The following C2orf81 variants were observed in gnomAD, a reference collection of about 807,000 sequenced individuals.
C2orf81 encodes chromosome 2 open reading frame 81.
A neutral mutation model predicts 7.9 loss-of-function variants in C2orf81; 5 were observed. The observed-to-expected ratio is 0.63, with a 90% CI of 0.33 to 1.33. The LOEUF is 1.33. Among genes scored for constraint, C2orf81 ranks in the 40% most tolerant of loss-of-function variants. The pLI is 0.05. For missense variants in C2orf81, 781 were observed against 830.4 expected (o/e 0.94, Z 0.73); for synonymous variants, 346 against 367.4 (o/e 0.94, Z 0.66).
At position 74,414,297 on chromosome 2, in the gene C2orf81, G is replaced by C. The variant is rs1173912814; in HGVS notation, c.*32C>G. On this transcript the variant is annotated 3_prime_UTR_variant, in exon 3 of 3. Transcript: ENST00000684111. The surrounding 1 kb of genome is among the most constrained non-coding windows in gnomAD (Gnocchi z 5.3). The stretch of plus-strand genomic sequence containing the variant: ...GCTTAGAGGAGCGTGACCACACTTT[G>C]GGGGCTGAGTTCTTCATTAGCTGTG... 4.2e-6 allele frequency: 6 copies of C among 1,439,414 alleles called. No individual in the cohort carries two copies. Among genetic ancestry groups the C allele is most frequent in the Non-Finnish European group, 4.6e-6 (5 of 1,088,676 alleles). The allele number at this position is 1,439,414 out of a possible 1,614,324, so 89.2% of individuals were successfully genotyped here. A position where few individuals can be genotyped will look rare whatever the true frequency, so the allele number is the denominator to read the frequency against.
chr2:74,421,411 C>T (rs1014546581), intron 1 of C2orf81, 132 bp downstream of exon 1: 2 of 239,768 alleles, frequency 8.3e-6, no homozygotes, highest in Non-Finnish European at 1.6e-5. Context: ...CTTCCTTGGT[C>T]ATCTAAACTC....
At chr2:74,420,099 A>C (rs1183271932) in intron 1 of C2orf81, among the ~76,000 whole-genome samples, 1 of 152,252 alleles carries the variant, frequency 6.6e-6, no homozygotes, top group Non-Finnish European at 1.5e-5. Flanking sequence ...GCAAATGTTT[A>C]TGATGTAACG....
At chr2:74,420,761 TTC>T (rs1425286391) in intron 1 of C2orf81, among the ~76,000 whole-genome samples, 1 of 145,058 alleles carries the variant, frequency 6.9e-6, no homozygotes, top group Admixed American at 7.0e-5. Context: ...TCCGTTTTCT[TTC>T]TTCTTCTTCT....
chr2:74,419,966 G>T (rs1172512782), intron 1 of C2orf81, among the ~76,000 whole-genome samples: 1 of 152,134 alleles, frequency 6.6e-6, no homozygotes, highest in East Asian at 1.9e-4. Context: ...GTAGAGATGG[G>T]GTTTCGCCAT....
chr2:74,418,418 T>C (rs1676524002), intron 1 of C2orf81: 2 of 1,579,140 alleles, frequency 1.3e-6, no homozygotes, highest in South Asian at 2.2e-5. Context: ...AAGGGCTGGC[T>C]GGACTTCGAG....
intron 1 of C2orf81, among the ~76,000 whole-genome samples, chr2:74,419,843 C>T (rs537786807): frequency 6.6e-6 from 1 of 152,326 alleles, no homozygotes; most frequent in East Asian, 1.9e-4. Context: ...AAGATCTCGG[C>T]TCACTGCAAC....
chr2:74,415,192 A>AGGGGTAG lies in C2orf81; in HGVS notation c.984_985insCTACCCC (p.Ser329LeufsTer65), dbSNP rs1676415263. The AGGGGTAG allele has an allele frequency of 1.2e-5, 18 of 1,548,686 alleles. No homozygotes were observed. The highest frequency in any genetic ancestry group is 1.5e-5 in the Non-Finnish European group (17 of 1,145,912). ...GAGGGGTAGGACACCAACACGCCCG[A>AGGGGTAG]GGCGATGCAGGGCACCCCCTCTGAC... is the stretch of plus-strand genomic sequence containing the variant. On this transcript the variant is annotated frameshift_variant, in exon 3 of 3. Transcript: ENST00000684111. LOFTEE classifies it low-confidence loss of function (END_TRUNC). The surrounding 1 kb of genome is among the most constrained non-coding windows in gnomAD (Gnocchi z 5.5).
rs1423722479 is a variant in C2orf81 at position 74,414,615 on chromosome 2, C to T, written c.1562G>A (p.Arg521Gln). The T allele has an allele frequency of 6.5e-7, 1 of 1,549,890 alleles. No individual in the cohort carries two copies. The highest frequency in any genetic ancestry group is 8.7e-7 in the Non-Finnish European group (1 of 1,145,892). Residue 521 changes from arginine (R) to glutamine (Q), a missense_variant, in exon 3 of 3, where the codon CGG (arginine) becomes CAG (glutamine). Arg to Gln is a conservative substitution (Grantham distance 43, BLOSUM62 1). Coordinates refer to ENST00000684111, the MANE Select transcript of C2orf81 (RefSeq NM_001316764.3). The surrounding 1 kb of genome is among the most constrained non-coding windows in gnomAD (Gnocchi z 5.3). ...CAGACCCTGTGGAGGCACGCGGGTC[C>T]GGCCAGCCCACAGCTCGCCCAGCAG... ...AELLGELWAG[R>Q]TRVPPQGLEL...
chr2:74,414,634 C>G lies in C2orf81; in HGVS notation c.1543G>C (p.Gly515Arg). ...CGGGTCCGGCCAGCCCACAGCTCGC[C>G]CAGCAGCTCGGCCTTCCCCTCCCAA... ...SGWEGKAELL[G>R]ELWAGRTRVP... Residue 515 changes from glycine (G) to arginine (R), a missense_variant, in exon 3 of 3, where the codon GGC (glycine) becomes CGC (arginine). Gly to Arg is a moderately radical substitution (Grantham distance 125, BLOSUM62 -2). Coordinates refer to ENST00000684111, the MANE Select transcript of C2orf81 (RefSeq NM_001316764.3). The surrounding 1 kb of genome is among the most constrained non-coding windows in gnomAD (Gnocchi z 5.3). The G allele has an allele frequency of 6.5e-7, 1 of 1,549,980 alleles. No homozygotes were observed. The highest frequency in any genetic ancestry group is 8.7e-7 in the Non-Finnish European group (1 of 1,145,922).
Position 74,414,736 on chromosome 2 carries a change from T to C in C2orf81, c.1441A>G (p.Thr481Ala). The C allele has an allele frequency of 6.5e-7, 1 of 1,549,508 alleles. No homozygotes were observed. The change falls in exon 3 of 3, where the codon ACC becomes GCC. Residue 481 changes from threonine to alanine, a missense_variant. Transcript: ENST00000684111. The surrounding 1 kb of genome is among the most constrained non-coding windows in gnomAD (Gnocchi z 5.3). ...PLPNSRIRFL[T>A]THPVLPDVAR... ...ACATCAGGGAGCACCGGGTGTGTGG[T>C]GAGGAAGCGGATCCTGGAGTTTGGG...
At position 74,415,435 on chromosome 2, in the gene C2orf81, T is replaced by C. The variant is rs1174014394; in HGVS notation, c.742A>G (p.Arg248Gly). 3 of 1,534,892 alleles carry C rather than the reference T, an allele frequency of 2.0e-6. No individual in the cohort carries two copies. Among genetic ancestry groups the C allele is most frequent in the South Asian group, 1.2e-5 (1 of 83,090 alleles). Residue 248 changes from arginine to glycine, a missense_variant, in exon 3 of 3, where the codon AGA (arginine) becomes GGA (glycine). By Grantham distance (125) the Arg-to-Gly change is moderately radical (BLOSUM62 -2). Coordinates refer to ENST00000684111, the MANE Select transcript of C2orf81 (RefSeq NM_001316764.3). This position sits in a 1 kb window ranked among gnomAD's most constrained non-coding sequence, Gnocchi z 5.5. ...AAGGACCCGGCCGAGGAGAGGCCTC[T>C]AGACTGGCCGTCCGCTTCCTCTACA... ...GPVEEADGQS[R>G]GLSSAGSLSA...
chr2:74,417,804 A>T (rs1005903289), intron 1 of C2orf81: 2 of 521,842 alleles, frequency 3.8e-6, no homozygotes, highest in African/African-American at 3.9e-5. Context: ...CAATGTCACC[A>T]CCAAGGGATC....
At position 74,414,986 on chromosome 2, in the gene C2orf81, A is replaced by C; in HGVS notation, c.1191T>G (p.Ser397=). The C allele has an allele frequency of 1.9e-6, 3 of 1,548,864 alleles. No homozygotes were observed. Among genetic ancestry groups the C allele is most frequent in the Non-Finnish European group, 2.6e-6 (3 of 1,146,266 alleles). The change falls in exon 3 of 3, where the codon TCT becomes TCG. Residue 397 remains serine (S), a synonymous_variant. Coordinates refer to ENST00000684111, the MANE Select transcript of C2orf81 (RefSeq NM_001316764.3). The surrounding 1 kb of genome is among the most constrained non-coding windows in gnomAD (Gnocchi z 5.3). ...GGTAGGCTTCCAAGGGGCGTGTTTG[A>C]GAGTCTGGGACCAGGACCTCAGCCA... ...RPLAEVLVPD[S]QTRPLEAYRG... is the part of the protein sequence containing the mutation.
chr2:74,417,674 C>T, intron 1 of C2orf81: 1 of 662,334 alleles, frequency 1.5e-6, no homozygotes, highest in African/African-American at 1.9e-5. Flanking sequence ...GTGGGGTGTG[C>T]CAGAATGGGG....
At chr2:74,421,376 G>A (rs978021835) in intron 1 of C2orf81, among the ~76,000 whole-genome samples, 167 bp downstream of exon 1, 1 of 152,188 alleles carries the variant, frequency 6.6e-6, no homozygotes, top group African/African-American at 2.4e-5. Flanking sequence ...GCAGGTGTAG[G>A]TTTTCTGCCC....
rs1307503639 is a variant in C2orf81, at chr2:74,414,565, C to G, written c.1612G>C (p.Asp538His). 6.5e-7 allele frequency: 1 copy of G among 1,541,386 alleles called. No individual in the cohort carries two copies. The highest frequency in any genetic ancestry group is 1.4e-5 in the African/African-American group (1 of 72,968). ...GTGGTTCGAGGCCATCTGCCAGGATCCTGGCCCTCCCTGTCTGCCAGCTCC... is the reference window on the plus strand; with the variant it reads ...GTGGTTCGAGGCCATCTGCCAGGATGCTGGCCCTCCCTGTCTGCCAGCTCC... ...GLELADREGQ[D>H]PGRWPRTTPP... Residue 538 changes from aspartate to histidine, a missense_variant, in exon 3 of 3, where the codon GAT becomes CAT. Coordinates refer to ENST00000684111, the MANE Select transcript of C2orf81 (RefSeq NM_001316764.3). This position sits in a 1 kb window ranked among gnomAD's most constrained non-coding sequence, Gnocchi z 5.3.
In C2orf81 at chr2:74,415,486, A is replaced by G. The variant is rs1006867050; in HGVS notation, c.691T>C (p.Phe231Leu). ...GGACCTCCGGGCCCTGCCTCCTGAA[A>G]CAGCTCTGATGTGGGAGGAGGGGCC... is the stretch of plus-strand genomic sequence containing the variant. ...TSAPPPTSEL[F>L]QEAGPGGPVE... Residue 231 changes from phenylalanine (F) to leucine (L), a missense_variant, in exon 3 of 3, where the codon TTT becomes CTT. Coordinates refer to ENST00000684111, the MANE Select transcript of C2orf81 (RefSeq NM_001316764.3). This position sits in a 1 kb window ranked among gnomAD's most constrained non-coding sequence, Gnocchi z 5.5. The G allele has an allele frequency of 6.5e-6, 10 of 1,539,450 alleles. No individual in the cohort carries two copies. Among genetic ancestry groups the G allele is most frequent in the East Asian group, 2.5e-5 (1 of 40,584 alleles).
In C2orf81 at chr2:74,418,309, T is replaced by C. The variant is rs376924572; in HGVS notation, c.19-2068A>G. On this transcript the variant is annotated intron_variant, in intron 1 of 2. Coordinates refer to ENST00000684111, the MANE Select transcript of C2orf81 (RefSeq NM_001316764.3). The stretch of plus-strand genomic sequence containing the variant: ...TGTTGGCACTTCGCTGAGCTCCTTC[T>C]GACTCCCTACCAGCGCTGTCCTGGG... 71 of 1,607,836 alleles carry C rather than the reference T, an allele frequency of 4.4e-5. No individual in the cohort carries two copies. The African/African-American group carries it at 4.8e-4, about 11-fold the overall frequency.
chr2:74,417,854 T>C, intron 1 of C2orf81: 1 of 469,078 alleles, frequency 2.1e-6, no homozygotes, highest in Admixed American at 2.5e-5. Context: ...AGCAGGACAT[T>C]AGCCTTGTCC....
Sources: allele counts gnomAD v4.1 joint callset (sites outside exome capture counted in the v4.1 genomes callset), GRCh38; gene constraint gnomAD v4.1.1; non-coding constraint Gnocchi (gnomAD v3.1); transcripts MANE v1.5; gene names NCBI Gene and HGNC (gene_info 2026-07-23, HGNC 2026-07-21).